Variants in MOV10L1 observed in about 807,000 individuals in gnomAD.
MOV10L1 encodes Mov10 like RNA helicase 1, also known as RNA helicase Mov10l1.
A neutral mutation model predicts 143.8 loss-of-function variants in MOV10L1; 110 were observed. The observed-to-expected ratio is 0.76, with a 90% CI of 0.66 to 0.90. MOV10L1 has a LOEUF of 0.90. Ranked by LOEUF, MOV10L1 falls within the 40% of genes least tolerant of loss-of-function variation. The pLI, the probability that MOV10L1 is intolerant of heterozygous loss-of-function variation, is 0.00. For missense variants in MOV10L1, 1,406 were observed against 1,526.8 expected (o/e 0.92, Z 1.32); for synonymous variants, 593 against 581.1 (o/e 1.02, Z -0.29).
intron 3 of MOV10L1, among the ~76,000 whole-genome samples, chr22:50,102,167 C>T (rs2061762219): frequency 6.6e-6 from 1 of 152,188 alleles, no homozygotes; most frequent in Non-Finnish European, 1.5e-5. Context: ...GAGAGAGTCA[C>T]ACTCAGACAT....
intron 8 of MOV10L1, among the ~76,000 whole-genome samples, chr22:50,116,311 G>T (rs1224464044): frequency 3.3e-5 from 5 of 151,940 alleles, no homozygotes. Context: ...GCTGGGCGTG[G>T]TGGCGGGCAC....
chr22:50,121,593 G>A (rs1206039569), intron 10 of MOV10L1, among the ~76,000 whole-genome samples: 1 of 152,220 alleles, frequency 6.6e-6, no homozygotes, highest in Non-Finnish European at 1.5e-5. Flanking sequence ...CAGATCCTGG[G>A]CAGGGAGGTT....
chr22:50,110,723 G>C (rs147318007), intron 5 of MOV10L1, among the ~76,000 whole-genome samples: 3 of 151,978 alleles, frequency 2.0e-5, no homozygotes, highest in African/African-American at 7.3e-5. Context: ...CTGAGCTCAG[G>C]AGTTCGAGAA....
At chr22:50,135,266 C>T (rs554249305) in intron 15 of MOV10L1, among the ~76,000 whole-genome samples, 8 of 151,606 alleles carry the variant, frequency 5.3e-5, no homozygotes, top group Admixed American at 5.3e-4. Context: ...CCCTCCTCGG[C>T]CTCCCAAAGT....
rs1340294414 is a variant in MOV10L1, at chr22:50,144,101, A to G, written c.2363A>G (p.His788Arg). 6.2e-7 allele frequency: 1 copy of G among 1,608,576 alleles called. No individual in the cohort carries two copies. Among genetic ancestry groups the G allele is most frequent in the Non-Finnish European group, 8.5e-7 (1 of 1,175,330 alleles). Residue 788 changes from histidine to arginine, a missense_variant, in exon 18 of 27, where the codon CAC becomes CGC. By Grantham distance (29) the His-to-Arg change is conservative (BLOSUM62 0). This residue lies in a region of MOV10L1 where 1,233 missense variants were observed against 1,351.4 expected (regional missense o/e 0.91). Transcript: ENST00000262794. ...VTIIEAVLQV[H>R]FALPDSRILV... Reference sequence around the variant, plus strand: ...TCTTGTGTGTCTTTGATGAAGGTACACTTTGCCTTGCCGGACAGTCGGATT... The same window carrying G: ...TCTTGTGTGTCTTTGATGAAGGTACGCTTTGCCTTGCCGGACAGTCGGATT...
chr22:50,111,605 G>A (rs1354329433), intron 5 of MOV10L1, among the ~76,000 whole-genome samples: 5 of 143,134 alleles, frequency 3.5e-5, no homozygotes, highest in South Asian at 2.3e-4. Context: ...CTGGGTTCAC[G>A]CCATTCACCC....
At chr22:50,129,685 C>T (rs1602257447) in intron 13 of MOV10L1, among the ~76,000 whole-genome samples, 1 of 152,150 alleles carries the variant, frequency 6.6e-6, no homozygotes. Flanking sequence ...CTGATCGGTG[C>T]CCTTTCTGTA....
At chr22:50,144,829 C>T (rs1305955729) in intron 18 of MOV10L1, among the ~76,000 whole-genome samples, 1 of 152,198 alleles carries the variant, frequency 6.6e-6, no homozygotes, top group South Asian at 2.1e-4. Context: ...GATCTGCCCG[C>T]CTCGGCCTCC....
intron 19 of MOV10L1, among the ~76,000 whole-genome samples, chr22:50,148,284 G>C (rs9617106): frequency 6.6e-6 from 1 of 152,242 alleles, no homozygotes; most frequent in Non-Finnish European, 1.5e-5. Context: ...CAGAGCAGAA[G>C]CTGCTGGGGT....
At chr22:50,157,961 C>A in intron 22 of MOV10L1, 96 bp from the exon 23 acceptor site, 2 of 1,383,360 alleles carry the variant, frequency 1.4e-6, no homozygotes, top group Non-Finnish European at 2.0e-6. Context: ...CTGTCATATT[C>A]AGTGTGTATT....
intron 13 of MOV10L1, among the ~76,000 whole-genome samples, chr22:50,129,947 A>G (rs1434704303): frequency 6.6e-6 from 1 of 152,150 alleles, no homozygotes; most frequent in African/African-American, 2.4e-5. Context: ...ATTCTTAGGT[A>G]CATATCTTCT....
At chr22:50,147,570 C>T (rs938299480) in intron 19 of MOV10L1, among the ~76,000 whole-genome samples, 1 of 150,690 alleles carries the variant, frequency 6.6e-6, no homozygotes, top group Non-Finnish European at 1.5e-5. Flanking sequence ...GCAGGCCGCT[C>T]TCTCAGAGGC....
chr22:50,121,272 T>TG (rs1449763311), intron 10 of MOV10L1, among the ~76,000 whole-genome samples: 1 of 152,172 alleles, frequency 6.6e-6, no homozygotes, highest in East Asian at 1.9e-4. Context: ...GTGTTCACCA[T>TG]GCGCCCTTCA....
At position 50,114,366 on chromosome 22, in the gene MOV10L1, A is replaced by G; in HGVS notation, c.885-15A>G. ...GAAATCCTGGCTGTGTTCATAGTTA[A>G]TTGTATTTTTCCAGGAATAAAGGAG... On this transcript the variant is annotated splice_polypyrimidine_tract_variant and intron_variant, in intron 6 of 26. Transcript: ENST00000262794. The G allele has an allele frequency of 6.2e-7, 1 of 1,610,990 alleles. No individual in the cohort carries two copies. Among genetic ancestry groups the G allele is most frequent in the Non-Finnish European group, 8.5e-7 (1 of 1,177,938 alleles).
At chr22:50,125,365 A>G (rs569803334) in intron 10 of MOV10L1, 27 bp from the exon 11 acceptor site, 2 of 1,608,896 alleles carry the variant, frequency 1.2e-6, no homozygotes, top group East Asian at 4.5e-5. Context: ...GCTGTTGCTG[A>G]CTTTATAACA....
At chr22:50,112,206 G>A (rs556552395) in intron 5 of MOV10L1, among the ~76,000 whole-genome samples, 1 of 152,348 alleles carries the variant, frequency 6.6e-6, no homozygotes, top group East Asian at 1.9e-4. Flanking sequence ...GGTGCCTAGG[G>A]CCCATCCTGT....
chr22:50,149,616 G>A lies in MOV10L1; in HGVS notation c.2629G>A (p.Val877Ile). Residue 877 changes from valine to isoleucine, a missense_variant and splice_region_variant, in exon 20 of 27, where the codon GTT becomes ATT. By Grantham distance (29) the Val-to-Ile change is conservative (BLOSUM62 3). Coordinates refer to ENST00000262794, the MANE Select transcript of MOV10L1 (RefSeq NM_018995.3). ...CCATTTAGAACATCTTTGCTCTAGA[G>A]TTGGGCACTTCACTCACGTGTTTGT... Reference protein sequence around the residue: ...SGLFYQIGVRVGHFTHVFVDE... With the variant: ...SGLFYQIGVRIGHFTHVFVDE... 1 of 1,614,180 alleles carries A rather than the reference G, an allele frequency of 6.2e-7. No homozygotes were observed. Among genetic ancestry groups the A allele is most frequent in the Non-Finnish European group, 8.5e-7 (1 of 1,179,982 alleles).
intron 3 of MOV10L1, among the ~76,000 whole-genome samples, chr22:50,100,784 C>T (rs1034958432): frequency 2.0e-5 from 3 of 152,240 alleles, no homozygotes; most frequent in East Asian, 1.9e-4. Context: ...GGATTACAGG[C>T]GTGAGCCACC....
intron 26 of MOV10L1, 48 bp from the exon 27 acceptor site, chr22:50,161,320 G>T: frequency 6.9e-7 from 1 of 1,453,500 alleles, no homozygotes; most frequent in Non-Finnish European, 9.3e-7. Flanking sequence ...CTCCCAGCCC[G>T]CTGTGGGAGC....
Sources: gnomAD v4.1 joint callset for allele counts (sites outside exome capture counted in the v4.1 genomes callset) on GRCh38, gnomAD v4.1.1 for gene constraint, gnomAD v4.1.1 regional missense constraint, MANE v1.5 for transcripts, NCBI Gene and HGNC (gene_info 2026-07-23, HGNC 2026-07-21) for gene names.